Variants in LRRK1 observed in about 807,000 individuals in gnomAD.
LRRK1 encodes leucine rich repeat kinase 1.
Under a neutral mutation model 209.1 loss-of-function variants are expected in LRRK1, and 113 were observed. The ratio of observed to expected loss-of-function variants is 0.54; its 90% CI spans 0.46 to 0.63. LRRK1 has a LOEUF of 0.63. Ranked by LOEUF, LRRK1 falls within the 30% of genes least tolerant of loss-of-function variation. The probability of loss-of-function intolerance (pLI) is 0.00; values close to 1 mark genes in which losing one functional copy is unlikely to be tolerated. For synonymous variants in LRRK1, 1,144 were observed against 1,099.7 expected (o/e 1.04, Z -0.80); for missense variants, 2,284 against 2,632.2 (o/e 0.87, Z 2.89).
intron 3 of LRRK1, among the ~76,000 whole-genome samples, chr15:100,981,346 A>G (rs1330038400): frequency 6.6e-6 from 1 of 152,218 alleles, no homozygotes; most frequent in Non-Finnish European, 1.5e-5. Context: ...GCTTTTATCC[A>G]TAATGCAAAT....
At chr15:101,002,267 TGAG>T (rs972762576) in intron 6 of LRRK1, among the ~76,000 whole-genome samples, 15 of 152,340 alleles carry the variant, frequency 9.8e-5, no homozygotes, top group African/African-American at 3.1e-4. Flanking sequence ...CATCACCAGA[TGAG>T]GAGATCTTTC....
intron 1 of LRRK1, among the ~76,000 whole-genome samples, chr15:100,922,525 A>T (rs2042037705): frequency 6.6e-6 from 1 of 152,094 alleles, no homozygotes; most frequent in African/African-American, 2.4e-5. Flanking sequence ...GATTTTTGAA[A>T]TGCTGTTGGT....
rs1272149770 is a variant in LRRK1 at position 101,053,107 on chromosome 15, G to A, written c.3856+19G>A. On this transcript the variant is annotated intron_variant, in intron 25 of 33. Transcript: ENST00000388948. ...CCGGCAGGTAAGCGGGTCCCAGGTTGGTGCTGTTTTTCTCAGACATATGCT... is the reference window on the plus strand; with the variant it reads ...CCGGCAGGTAAGCGGGTCCCAGGTTAGTGCTGTTTTTCTCAGACATATGCT... 2 of 1,598,368 alleles carry A rather than the reference G, an allele frequency of 1.3e-6. No homozygotes were observed.
At chr15:100,951,437 T>C (rs898116695) in intron 2 of LRRK1, among the ~76,000 whole-genome samples, 1 of 152,162 alleles carries the variant, frequency 6.6e-6, no homozygotes, top group Non-Finnish European at 1.5e-5. Context: ...ATTCCACTCC[T>C]GAGTATATAC....
rs775001656 is a variant in LRRK1, at chr15:101,062,597, C to T, written c.4821C>T (p.Thr1607=). 3.1e-6 allele frequency: 5 copies of T among 1,613,858 alleles called. No homozygotes were observed. The highest frequency in any genetic ancestry group is 1.7e-5 in the Admixed American group (1 of 60,020). Residue 1607 remains threonine, a synonymous_variant, in exon 31 of 34, where the codon ACC becomes ACT. Coordinates refer to ENST00000388948, the MANE Select transcript of LRRK1 (RefSeq NM_024652.6). ...AGGACCAGAAAATCTACATCTACAC[C>T]CTCAAGGGCATGTGCCCCTTAAACA... The part of the protein sequence containing the change: ...ATEDQKIYIY[T]LKGMCPLNTP...
intron 29 of LRRK1, among the ~76,000 whole-genome samples, chr15:101,058,804 A>T (rs2035979282): frequency 6.7e-6 from 1 of 149,528 alleles, no homozygotes; most frequent in African/African-American, 2.5e-5. Flanking sequence ...AAAACTCAAG[A>T]GTTATGGTTT....
At chr15:101,057,258 C>G (rs930831208) in intron 28 of LRRK1, among the ~76,000 whole-genome samples, 7 of 152,232 alleles carry the variant, frequency 4.6e-5, no homozygotes, top group Admixed American at 2.6e-4. Flanking sequence ...AACAAACTTC[C>G]TTTTCCTCCC....
At position 101,027,221 on chromosome 15, in the gene LRRK1, G is replaced by A. The variant is rs377535691; in HGVS notation, c.2406-40G>A. On this transcript the variant is annotated intron_variant, in intron 17 of 33. Coordinates refer to ENST00000388948, the MANE Select transcript of LRRK1 (RefSeq NM_024652.6). The surrounding 1 kb of genome is among the most constrained non-coding windows in gnomAD (Gnocchi z 5.1). ...AGAGAAGCAGCAGCGCTTCCTCGGA[G>A]TGGGGCATGATGAGTAAAGACGGGT... 1.2e-6 allele frequency: 2 copies of A among 1,609,334 alleles called. No individual in the cohort carries two copies.
At position 101,027,440 on chromosome 15, in the gene LRRK1, C is replaced by T; in HGVS notation, c.2526+59C>T. On this transcript the variant is annotated intron_variant, in intron 18 of 33. Transcript: ENST00000388948. This position sits in a 1 kb window ranked among gnomAD's most constrained non-coding sequence, Gnocchi z 5.1. ...TGCCTGCTTCCCATTGTTGGGGGTC[C>T]TCACTTCCCCCTCTCTCCTGTGAAG... is the stretch of plus-strand genomic sequence containing the variant. 3 of 1,584,170 alleles carry T rather than the reference C, an allele frequency of 1.9e-6. No homozygotes were observed. In the East Asian group the frequency reaches 6.7e-5, roughly 36 times the overall value.
At chr15:100,989,910 A>G (rs2032067477) in intron 6 of LRRK1, among the ~76,000 whole-genome samples, 2 of 151,746 alleles carry the variant, frequency 1.3e-5, no homozygotes, top group Admixed American at 1.3e-4. Flanking sequence ...AATATATCAT[A>G]TTTAACATAT....
chr15:101,033,894 G>T lies in LRRK1; in HGVS notation c.2963+4662G>T, dbSNP rs1303920141. 3.9e-5 allele frequency among the ~76,000 whole-genome samples: 6 copies of T among 152,262 alleles called. No individual in the cohort carries two copies. In the East Asian group the frequency reaches 1.2e-3, roughly 29 times the overall value. ...TTACATTACAGCCAACAGCGTATAA[G>T]AGTTTTTCTTTTCTCTGCGTCCTCA... is the stretch of plus-strand genomic sequence containing the variant. On this transcript the variant is annotated intron_variant, in intron 20 of 33. Transcript: ENST00000388948.
chr15:101,023,831 G>A (rs1270218016), intron 15 of LRRK1, among the ~76,000 whole-genome samples: 2 of 152,222 alleles, frequency 1.3e-5, no homozygotes, highest in African/African-American at 2.4e-5. Flanking sequence ...AATCAAACAC[G>A]ACAATCAACG....
intron 6 of LRRK1, among the ~76,000 whole-genome samples, chr15:100,992,360 G>T (rs1174532328): frequency 2.6e-5 from 4 of 152,174 alleles, no homozygotes; most frequent in African/African-American, 9.6e-5. Context: ...TATTTTGGTA[G>T]AAAATTATCC....
intron 20 of LRRK1, among the ~76,000 whole-genome samples, chr15:101,033,834 A>G (rs146304376): frequency 9.8e-5 from 15 of 152,318 alleles, no homozygotes; most frequent in African/African-American, 3.4e-4. Flanking sequence ...TGTTTGAGAA[A>G]TCGCCATACT....
chr15:101,048,253 A>T (rs2035199443), intron 21 of LRRK1, among the ~76,000 whole-genome samples: 2 of 152,282 alleles, frequency 1.3e-5, no homozygotes, highest in East Asian at 1.9e-4. Flanking sequence ...AGGGAAAAAA[A>T]TTTTAAAGGA....
At position 100,989,378 on chromosome 15, in the gene LRRK1, A is replaced by G. The variant is rs745664601; in HGVS notation, c.742A>G (p.Ser248Gly). The G allele has an allele frequency of 4.3e-6, 7 of 1,614,232 alleles. No homozygotes were observed. The highest frequency in any genetic ancestry group is 5.9e-6 in the Non-Finnish European group (7 of 1,180,048). The stretch of plus-strand genomic sequence containing the variant: ...CTTCATTGAAGCCAGTCCCTTGCCC[A>G]GCAGTTATCCGGGAAAAACAGTGAG... ...KYFIEASPLP[S>G]SYPGKTALRV... Residue 248 changes from serine (S) to glycine (G), a missense_variant, in exon 6 of 34, where the codon AGC (serine) becomes GGC (glycine). Around this residue, in one of 6 missense-constraint regions of LRRK1, gnomAD observed 494 missense variants for 522.1 expected, o/e 0.95. Coordinates refer to ENST00000388948, the MANE Select transcript of LRRK1 (RefSeq NM_024652.6).
intron 16 of LRRK1, among the ~76,000 whole-genome samples, chr15:101,025,542 G>A (rs1357934216): frequency 6.6e-6 from 1 of 152,250 alleles, no homozygotes; most frequent in Admixed American, 6.5e-5. Flanking sequence ...GCATCTGTTG[G>A]CTTTTGGTTA....
intron 12 of LRRK1, among the ~76,000 whole-genome samples, chr15:101,017,871 C>A (rs2033614659): frequency 1.3e-5 from 2 of 151,116 alleles, no homozygotes; most frequent in Admixed American, 6.6e-5. Context: ...GGAAGGGGGA[C>A]AAAACACGAT....
At chr15:101,021,374 A>G (rs550533508) in intron 13 of LRRK1, among the ~76,000 whole-genome samples, 192 bp downstream of exon 13, 1 of 152,306 alleles carries the variant, frequency 6.6e-6, no homozygotes, top group East Asian at 1.9e-4. Context: ...TAGCAATGCA[A>G]TGATACACAC....
Sources: allele counts gnomAD v4.1 joint callset (sites outside exome capture counted in the v4.1 genomes callset), GRCh38; gene constraint gnomAD v4.1.1; regional missense constraint gnomAD v4.1.1; non-coding constraint Gnocchi (gnomAD v3.1); transcripts MANE v1.5; gene names NCBI Gene and HGNC (gene_info 2026-07-23, HGNC 2026-07-21).